The following RIMKLB variants were observed in gnomAD, a reference collection of about 807,000 sequenced individuals.
RIMKLB encodes beta-citrylglutamate synthase B.
A neutral mutation model predicts 32.0 loss-of-function variants in RIMKLB; 7 were observed. The ratio of observed to expected loss-of-function variants is 0.22; its 90% CI spans 0.12 to 0.41. The LOEUF (loss-of-function observed/expected upper bound fraction) is 0.41. Among genes scored for constraint, RIMKLB ranks in the 10% least tolerant of loss-of-function variants. The pLI, the probability that RIMKLB is intolerant of heterozygous loss-of-function variation, is 1.00. For synonymous variants in RIMKLB, 172 were observed against 185.1 expected (o/e 0.93, Z 0.57); for missense variants, 289 against 498.7 (o/e 0.58, Z 4.00).
At chr12:8,773,262 T>C in intron 5 of RIMKLB, 59 bp from the exon 6 acceptor site, 2 of 1,294,644 alleles carry the variant, frequency 1.5e-6, no homozygotes, top group South Asian at 2.6e-5. Flanking sequence ...GAGGCCAACT[T>C]TAATTTTATT....
intron 5 of RIMKLB, among the ~76,000 whole-genome samples, chr12:8,766,305 CAAAG>C (rs1043920694): frequency 6.6e-6 from 1 of 152,122 alleles, no homozygotes; most frequent in Non-Finnish European, 1.5e-5. Flanking sequence ...TTCTTGACCA[CAAAG>C]AAAGGGGTCC....
At chr12:8,761,270 A>G (rs986570738) in intron 5 of RIMKLB, among the ~76,000 whole-genome samples, 4 of 140,644 alleles carry the variant, frequency 2.8e-5, no homozygotes, top group Non-Finnish European at 4.5e-5. Flanking sequence ...AGGGGGAGAT[A>G]GCAAAAAAAA....
In RIMKLB at chr12:8,740,409, T is replaced by C. The variant is rs2007305; in HGVS notation, c.176-9453T>C. Reference sequence around the variant, plus strand: ...TGTTTGGTTACATGGGTAAGTTCTTTAGTGGTGGTTTCTCAGATGGGTGCA... The same window carrying C: ...TGTTTGGTTACATGGGTAAGTTCTTCAGTGGTGGTTTCTCAGATGGGTGCA... On this transcript the variant is annotated intron_variant, in intron 2 of 5. Coordinates refer to ENST00000535829, the MANE Select transcript of RIMKLB (RefSeq NM_001297776.2). Among the ~76,000 whole-genome samples the C allele has an allele frequency of 9.1e-4, 138 of 152,316 alleles. 1 individual carries two copies. Among genetic ancestry groups the C allele is most frequent in the Admixed American group, 6.6e-3 (101 of 15,304 alleles).
At chr12:8,768,413 TAATAGAGTGAAAA>T (rs1262317381) in intron 5 of RIMKLB, among the ~76,000 whole-genome samples, 1 of 152,204 alleles carries the variant, frequency 6.6e-6, no homozygotes, top group East Asian at 1.9e-4. Flanking sequence ...TTGCATGATT[TAATAGAGTGAAAA>T]CAGAGCTCCT....
chr12:8,670,026 C>CAAAAAA, the RIMKLB span, among the ~76,000 whole-genome samples: 131 of 36,900 alleles, frequency 3.6e-3, 3 homozygotes, highest in African/African-American at 0.012. Context: ...GACTCCGTCT[C>CAAAAAA]AAAAAAAAAA....
intron 1 of RIMKLB, among the ~76,000 whole-genome samples, chr12:8,689,441 C>T (rs2136564309): frequency 6.6e-6 from 1 of 152,292 alleles, no homozygotes; most frequent in Middle Eastern, 3.4e-3. Context: ...TCTTTCTCAG[C>T]ATTTTGCTCA....
intron 1 of RIMKLB, among the ~76,000 whole-genome samples, chr12:8,689,315 T>C (rs1225612915): frequency 6.6e-6 from 1 of 152,244 alleles, no homozygotes; most frequent in Non-Finnish European, 1.5e-5. Flanking sequence ...AGCATAACTT[T>C]TAGACTGAAT....
upstream of RIMKLB, among the ~76,000 whole-genome samples, chr12:8,677,998 G>A (rs1014522826): frequency 1.3e-5 from 2 of 151,332 alleles, no homozygotes; most frequent in African/African-American, 4.8e-5. Context: ...TCCCAGGCTG[G>A]TCTCAAACTC....
chr12:8,678,161 C>CT (rs879939831), upstream of RIMKLB, among the ~76,000 whole-genome samples: 1 of 150,348 alleles, frequency 6.7e-6, no homozygotes. Flanking sequence ...TCTTATTTTT[C>CT]TTTTTTTTAA....
chr12:8,750,524 A>G (rs1295016531), intron 3 of RIMKLB, among the ~76,000 whole-genome samples: 1 of 152,092 alleles, frequency 6.6e-6, no homozygotes, highest in Non-Finnish European at 1.5e-5. Flanking sequence ...TTAGTTTTTC[A>G]TTTTCTTCAT....
intron 1 of RIMKLB, among the ~76,000 whole-genome samples, chr12:8,699,505 A>G (rs946529744): frequency 6.6e-6 from 1 of 152,178 alleles, no homozygotes; most frequent in Non-Finnish European, 1.5e-5. Context: ...TTTAACATTT[A>G]TTTCCTAAAT....
At chr12:8,772,280 CT>C (rs1950471545) in intron 5 of RIMKLB, among the ~76,000 whole-genome samples, 1 of 151,998 alleles carries the variant, frequency 6.6e-6, no homozygotes, top group Non-Finnish European at 1.5e-5. Flanking sequence ...ACTGTACTCT[CT>C]TTGAGTTTCT....
chr12:8,756,838 T>C (rs1949079751), intron 5 of RIMKLB, among the ~76,000 whole-genome samples: 1 of 151,854 alleles, frequency 6.6e-6, no homozygotes, highest in African/African-American at 2.4e-5. Context: ...ACTACAGGTG[T>C]GCACCCCAAT....
chr12:8,713,778 T>C (rs1467730043), intron 1 of RIMKLB, 33 bp from the exon 2 acceptor site: 1 of 1,277,674 alleles, frequency 7.8e-7, no homozygotes, highest in South Asian at 1.2e-5. Context: ...ATTTCTTGAT[T>C]TACCTTTTAT....
At chr12:8,715,153 A>C (rs1338044847) in intron 2 of RIMKLB, among the ~76,000 whole-genome samples, 2 of 151,632 alleles carry the variant, frequency 1.3e-5, no homozygotes, top group Admixed American at 6.6e-5. Context: ...TATTTCATCC[A>C]CAGTACTTTT....
chr12:8,703,593 A>AT (rs1326060909), intron 1 of RIMKLB, among the ~76,000 whole-genome samples: 2 of 151,884 alleles, frequency 1.3e-5, no homozygotes, highest in East Asian at 1.9e-4. Context: ...TAAAGTGTTG[A>AT]TTTTTTTGTA....
intron 5 of RIMKLB, among the ~76,000 whole-genome samples, chr12:8,757,063 G>A (rs995590449): frequency 1.3e-5 from 2 of 151,974 alleles, no homozygotes; most frequent in South Asian, 2.1e-4. Flanking sequence ...ATTATAACAC[G>A]TCCTGCTGAC....
rs1263544387 is a variant in RIMKLB, at chr12:8,714,052, A to G, written c.175+11A>G. ...AGCAAGGAAACCTGGGTAAGTCTGT[A>G]TACTAAGTGATCTTTTGGATTTTTA... On this transcript the variant is annotated intron_variant, in intron 2 of 5. Transcript: ENST00000535829. The G allele has an allele frequency of 9.9e-6, 16 of 1,610,764 alleles. No homozygotes were observed. Among genetic ancestry groups the G allele is most frequent in the Non-Finnish European group, 1.3e-5 (15 of 1,177,364 alleles).
At chr12:8,704,999 C>CACACACACACACACACACACAAAAAAA (rs35908223) in intron 1 of RIMKLB, among the ~76,000 whole-genome samples, 11 of 151,650 alleles carry the variant, frequency 7.3e-5, no homozygotes, top group African/African-American at 2.7e-4. Context: ...CACACACACA[C>CACACACACACACACACACACAAAAAAA]AAAACCCCAA....
Sources: gnomAD v4.1 joint callset for allele counts (sites outside exome capture counted in the v4.1 genomes callset) on GRCh38, gnomAD v4.1.1 for gene constraint, MANE v1.5 for transcripts, NCBI Gene and HGNC (gene_info 2026-07-23, HGNC 2026-07-21) for gene names.